Variants in PTPRO observed in about 807,000 individuals in gnomAD.
PTPRO encodes receptor-type tyrosine-protein phosphatase O.
In PTPRO, 62 loss-of-function variants were observed where a neutral mutation model predicts 145.2. That is an observed-to-expected ratio of 0.43 (90% CI 0.35 to 0.53). The LOEUF is 0.53. PTPRO is among the 20% of genes least tolerant of loss of function. The pLI is 0.01. For missense variants in PTPRO, 1,345 were observed against 1,482.7 expected (o/e 0.91, Z 1.53); for synonymous variants, 565 against 514.7 (o/e 1.10, Z -1.32).
chr12:15,423,411 T>C (rs1940200004), intron 1 of PTPRO, among the ~76,000 whole-genome samples: 1 of 152,162 alleles, frequency 6.6e-6, no homozygotes, highest in South Asian at 2.1e-4. Flanking sequence ...TAATCATAAA[T>C]ATTTTCCATA....
chr12:15,563,235 G>A (rs1415352683), intron 17 of PTPRO, among the ~76,000 whole-genome samples: 1 of 152,030 alleles, frequency 6.6e-6, no homozygotes, highest in Non-Finnish European at 1.5e-5. Context: ...GTCTGATGGG[G>A]GTTATTTATT....
rs558772504 is a variant in PTPRO at position 15,322,536 on chromosome 12, C to T, written c.-191C>T. On this transcript the variant is annotated 5_prime_UTR_variant, in exon 1 of 27. In the 5' UTR this introduces an upstream ATG that the reference lacks. Transcript: ENST00000281171. This position sits in a 1 kb window ranked among gnomAD's most constrained non-coding sequence, Gnocchi z 6.3. The stretch of plus-strand genomic sequence containing the variant: ...CATTAAAGAACAGCAGCGCCTGGCA[C>T]GTTCTTGGAGGACCCCGGGCGCAGA... The T allele has an allele frequency of 1.5e-6, 1 of 652,896 alleles. No individual in the cohort carries two copies. Among genetic ancestry groups the T allele is most frequent in the Non-Finnish European group, 2.8e-6 (1 of 359,810 alleles). 40.4% of individuals were successfully genotyped at this position (652,896 alleles called of 1,614,324 possible).
chr12:15,436,893 C>T lies in PTPRO; in HGVS notation c.76-47081C>T, dbSNP rs11056485. Among the ~76,000 whole-genome samples, 904 of 152,158 alleles carry T rather than the reference C, an allele frequency of 5.9e-3. 51 individuals are homozygous for T. In the East Asian group the frequency reaches 0.14, roughly 23 times the overall value. On this transcript the variant is annotated intron_variant, in intron 1 of 26. Transcript: ENST00000281171. ...GGCAGGAGGAGAGCTGCTACAGTTG[C>T]GGTTTCTTCTGAGCAGCAAGACTTG... is the stretch of plus-strand genomic sequence containing the variant.
chr12:15,387,361 C>T (rs1034972785), intron 1 of PTPRO, among the ~76,000 whole-genome samples: 13 of 144,308 alleles, frequency 9.0e-5, no homozygotes, highest in Non-Finnish European at 1.5e-4. Context: ...TTTAAAAGCC[C>T]GGGGTTGGGG....
chr12:15,432,347 T>C (rs997781865), intron 1 of PTPRO, among the ~76,000 whole-genome samples: 1 of 152,260 alleles, frequency 6.6e-6, no homozygotes, highest in Non-Finnish European at 1.5e-5. Context: ...TATTTTTTAC[T>C]GCTGCATAGT....
At chr12:15,325,880 T>C (rs1353829828) in intron 1 of PTPRO, among the ~76,000 whole-genome samples, 1 of 152,240 alleles carries the variant, frequency 6.6e-6, no homozygotes, top group Non-Finnish European at 1.5e-5. Flanking sequence ...TAAACTCAAG[T>C]GCTTGGCGTG....
intron 12 of PTPRO, among the ~76,000 whole-genome samples, chr12:15,539,527 C>T (rs967808790): frequency 4.6e-5 from 7 of 151,708 alleles, no homozygotes; most frequent in Non-Finnish European, 1.0e-4. Context: ...TTTGGGAGGC[C>T]GAGGCGGGCA....
chr12:15,400,363 C>A (rs1281509441), intron 1 of PTPRO, among the ~76,000 whole-genome samples: 10 of 152,170 alleles, frequency 6.6e-5, no homozygotes, highest in African/African-American at 2.2e-4. Context: ...AAACCCCCAG[C>A]AGCCTCACCT....
intron 1 of PTPRO, among the ~76,000 whole-genome samples, chr12:15,432,239 TGA>T (rs1257515293): frequency 6.6e-6 from 1 of 152,198 alleles, no homozygotes; most frequent in East Asian, 1.9e-4. Context: ...CACTTGTAAG[TGA>T]GAACATGCAG....
At chr12:15,576,893 AG>A (rs1437897438) in intron 19 of PTPRO, among the ~76,000 whole-genome samples, 5 of 152,216 alleles carry the variant, frequency 3.3e-5, no homozygotes, top group African/African-American at 1.2e-4. Flanking sequence ...CATTTTCTAA[AG>A]GAGGTAGATT....
intron 1 of PTPRO, among the ~76,000 whole-genome samples, chr12:15,384,845 G>A (rs1212082494): frequency 6.6e-6 from 1 of 152,094 alleles, no homozygotes. Flanking sequence ...AGTTTTTCTT[G>A]TATAGAGTAA....
Position 15,346,077 on chromosome 12 carries a change from G to A in PTPRO, c.75+23276G>A, listed in dbSNP as rs979774242. On this transcript the variant is annotated intron_variant, in intron 1 of 26. Transcript: ENST00000281171. ...TTGATCATCTTTCTTTAAATAGAGTGAATTTTAGCTTCCAAGTTATTTTTT... is the reference window on the plus strand; with the variant it reads ...TTGATCATCTTTCTTTAAATAGAGTAAATTTTAGCTTCCAAGTTATTTTTT... 5.3e-5 allele frequency among the ~76,000 whole-genome samples: 8 copies of A among 152,192 alleles called. No individual in the cohort carries two copies. The East Asian group carries it at 1.2e-3, about 22-fold the overall frequency.
chr12:15,582,121 C>A lies in PTPRO; in HGVS notation c.3255+320C>A, dbSNP rs7968524. Among the ~76,000 whole-genome samples the A allele has an allele frequency of 0.043, 6,572 of 152,320 alleles. 444 individuals carry two copies. Among genetic ancestry groups the A allele is most frequent in the African/African-American group, 0.15 (6,114 of 41,560 alleles). On this transcript the variant is annotated intron_variant, in intron 23 of 26. Transcript: ENST00000281171. Reference sequence around the variant, plus strand: ...CTGCAGCATGAACGTGTCCTTAAGGCATAGGTTGCTCATGCTATTGTTTGT... The same window carrying A: ...CTGCAGCATGAACGTGTCCTTAAGGAATAGGTTGCTCATGCTATTGTTTGT...
chr12:15,335,726 C>T (rs945488248), intron 1 of PTPRO, among the ~76,000 whole-genome samples: 104 of 152,010 alleles, frequency 6.8e-4, no homozygotes, highest in African/African-American at 2.5e-3. Context: ...TAAAACTGAG[C>T]CACCCTTATA....
At chr12:15,575,571 A>G (rs1208638610) in intron 19 of PTPRO, among the ~76,000 whole-genome samples, 4 of 152,202 alleles carry the variant, frequency 2.6e-5, no homozygotes, top group Non-Finnish European at 5.9e-5. Context: ...AATGTAATGT[A>G]TATGCTTGTG....
chr12:15,505,150 A>G (rs1942296441), intron 6 of PTPRO, among the ~76,000 whole-genome samples: 1 of 152,222 alleles, frequency 6.6e-6, no homozygotes, highest in Non-Finnish European at 1.5e-5. Flanking sequence ...GCACCAGTAC[A>G]GATCCACCGC....
chr12:15,478,155 T>C (rs997400171), intron 1 of PTPRO, among the ~76,000 whole-genome samples: 2 of 152,150 alleles, frequency 1.3e-5, no homozygotes, highest in African/African-American at 4.8e-5. Flanking sequence ...AGACTGCACA[T>C]AGGGCCATGA....
chr12:15,564,168 C>T (rs576829837), intron 17 of PTPRO, among the ~76,000 whole-genome samples: 1 of 152,092 alleles, frequency 6.6e-6, no homozygotes, highest in South Asian at 2.1e-4. Flanking sequence ...AAAAATAGAA[C>T]AAGAACCATT....
At chr12:15,500,116 TGGA>T in intron 4 of PTPRO, among the ~76,000 whole-genome samples, 1 of 152,020 alleles carries the variant, frequency 6.6e-6, no homozygotes, top group East Asian at 1.9e-4. Context: ...GATGGATGGA[TGGA>T]TGGAATAATG....
Sources: allele counts gnomAD v4.1 joint callset (sites outside exome capture counted in the v4.1 genomes callset), GRCh38; gene constraint gnomAD v4.1.1; non-coding constraint Gnocchi (gnomAD v3.1); transcripts MANE v1.5; gene names NCBI Gene and HGNC (gene_info 2026-07-23, HGNC 2026-07-21).